Variants in TJP3 observed in about 807,000 individuals in gnomAD.
The protein encoded by TJP3 is tight junction protein 3.
TJP3 carries 85 observed loss-of-function variants against 104.2 expected under a neutral mutation model. The observed-to-expected ratio is 0.82, with a 90% CI of 0.68 to 0.98. The LOEUF is 0.98. TJP3 is among the 50% of genes least tolerant of loss of function. The probability of loss-of-function intolerance (pLI) is 0.00; values close to 1 mark genes in which losing one functional copy is unlikely to be tolerated. For missense variants in TJP3, 1,367 were observed against 1,322.8 expected, an observed-to-expected ratio of 1.03 and a Z score of -0.52; for synonymous variants, 550 against 550.6, an observed-to-expected ratio of 1.00 and a Z score of 0.02.
intron 1 of TJP3, among the ~76,000 whole-genome samples, chr19:3,718,080 C>CGCACGT: frequency 6.6e-6 from 1 of 151,372 alleles, no homozygotes; most frequent in East Asian, 2.0e-4. Context: ...CGGGCATGTG[C>CGCACGT]CTGTAGTCCC....
chr19:3,719,029 C>T (rs182315504), intron 1 of TJP3, among the ~76,000 whole-genome samples: 43 of 151,712 alleles, frequency 2.8e-4, no homozygotes, highest in African/African-American at 1.0e-3. Flanking sequence ...ACTAAAAATA[C>T]AAAAATTAGC....
At chr19:3,732,231 A>G (rs2074994) in intron 6 of TJP3, among the ~76,000 whole-genome samples, 193 bp downstream of exon 6, 21,112 of 152,116 alleles carry the variant, frequency 0.14, 1,700 homozygotes, top group South Asian at 0.27. Flanking sequence ...ACTAATCCAC[A>G]GCCAAATGTC....
intron 6 of TJP3, among the ~76,000 whole-genome samples, chr19:3,732,242 G>A (rs1004559018): frequency 4.6e-5 from 7 of 152,032 alleles, no homozygotes; most frequent in East Asian, 1.9e-4. Context: ...GCCAAATGTC[G>A]GTTTCTAGTA....
Position 3,746,063 on chromosome 19 carries a change from G to A in TJP3, c.1992G>A (p.Val664=), listed in dbSNP as rs754464084. Residue 664 remains valine, a synonymous_variant, in exon 16 of 21, where the codon GTG becomes GTA. Coordinates refer to ENST00000541714, the MANE Select transcript of TJP3 (RefSeq NM_001267560.2). This position sits in a 1 kb window ranked among gnomAD's most constrained non-coding sequence, Gnocchi z 4.1. Reference sequence around the variant, plus strand: ...CCAAGATCATCAAACTAGACACCGTGCGGGTGATTGCAGAAAAAGTAAGCC... The same window carrying A: ...CCAAGATCATCAAACTAGACACCGTACGGGTGATTGCAGAAAAAGTAAGCC... ...SPSKIIKLDT[V]RVIAEKDKHA... is the part of the protein sequence containing the mutation. 5 of 1,609,642 alleles carry A rather than the reference G, an allele frequency of 3.1e-6. No individual in the cohort carries two copies. Among genetic ancestry groups the A allele is most frequent in the Non-Finnish European group, 4.2e-6 (5 of 1,177,868 alleles).
chr19:3,734,225 C>T, intron 7 of TJP3, 102 bp from the exon 8 acceptor site: 1 of 1,266,192 alleles, frequency 7.9e-7, no homozygotes. Flanking sequence ...TGACTTTGGT[C>T]TAGGGCCCTT....
In TJP3 at chr19:3,717,990, C is replaced by T. The variant is rs373089561; in HGVS notation, c.-10+9429C>T. Among the ~76,000 whole-genome samples, 96 of 148,866 alleles carry T rather than the reference C, an allele frequency of 6.4e-4. 1 individual carries two copies. The highest frequency in any genetic ancestry group is 2.1e-3 in the African/African-American group (83 of 40,376). On this transcript the variant is annotated intron_variant, in intron 1 of 20. Coordinates refer to ENST00000541714, the MANE Select transcript of TJP3 (RefSeq NM_001267560.2). ...CAGCACTTAGGGAGGCCGAGGGGGG[C>T]GGATCACAAGGTCAGGAGTTTGAGA...
At chr19:3,713,760 C>A (rs927851927) in intron 1 of TJP3, among the ~76,000 whole-genome samples, 2 of 151,888 alleles carry the variant, frequency 1.3e-5, no homozygotes, top group African/African-American at 4.8e-5. Flanking sequence ...GTCGCCCAGG[C>A]TCTGGAGTGC....
intron 8 of TJP3, among the ~76,000 whole-genome samples, chr19:3,734,697 G>A (rs2036716484): frequency 6.6e-6 from 1 of 152,210 alleles, no homozygotes; most frequent in Admixed American, 6.5e-5. Context: ...GCTCACGCCT[G>A]TAATCTCAGC....
chr19:3,728,989 G>T (rs1211286682), intron 3 of TJP3, among the ~76,000 whole-genome samples: 3 of 152,152 alleles, frequency 2.0e-5, no homozygotes, highest in East Asian at 3.8e-4. Flanking sequence ...GGAGGCAGAG[G>T]TTGCGGTGAG....
Position 3,746,849 on chromosome 19 carries a change from G to T in TJP3, c.2295G>T (p.Thr765=), listed in dbSNP as rs748877202. 6.8e-6 allele frequency: 11 copies of T among 1,611,096 alleles called. No individual in the cohort carries two copies. The highest frequency in any genetic ancestry group is 1.1e-5 in the South Asian group (1 of 90,284). Residue 765 remains threonine (T), a synonymous_variant, in exon 18 of 21, where the codon ACG becomes ACT. Transcript: ENST00000541714. This position sits in a 1 kb window ranked among gnomAD's most constrained non-coding sequence, Gnocchi z 4.1. The part of the protein sequence containing the change: ...ELKAIIREQQ[T]RPIWTAEDQL... ...AGGCCATCATTCGAGAGCAGCAGAC[G>T]CGGCCCATCTGGACGGCGGAAGATC...
At chr19:3,749,526 T>C (rs2036961209) in intron 19 of TJP3, 1 of 151,918 alleles carries the variant, frequency 6.6e-6, no homozygotes, top group Non-Finnish European at 1.5e-5. Context: ...TTTCATTTTT[T>C]GCAGAGATGT....
At chr19:3,741,402 C>T (rs1161152130) in intron 14 of TJP3, among the ~76,000 whole-genome samples, 1 of 151,792 alleles carries the variant, frequency 6.6e-6, no homozygotes, top group Admixed American at 6.6e-5. Flanking sequence ...CTTGGGAGGT[C>T]GAGGTTGCAG....
At chr19:3,735,424 C>A (rs772291583) in intron 8 of TJP3, 142 bp from the exon 9 acceptor site, 9 of 777,778 alleles carry the variant, frequency 1.2e-5, no homozygotes, top group Non-Finnish European at 2.0e-5. Context: ...GTCTTGAAAT[C>A]CTGACCTCAG....
chr19:3,728,581 TC>T lies in TJP3; in HGVS notation c.49-21del, dbSNP rs759609109. 12 of 1,607,658 alleles carry T rather than the reference TC, an allele frequency of 7.5e-6. No homozygotes were observed. In the South Asian group the frequency reaches 1.2e-4, roughly 16 times the overall value. The stretch of plus-strand genomic sequence containing the variant: ...TTACCCTGGGGGAAACAGCAGCTCT[TC>T]CTTCCCCTCATCCTCTCTCAGGACC... On this transcript the variant is annotated intron_variant, in intron 2 of 20. Transcript: ENST00000541714.
At position 3,731,917 on chromosome 19, in the gene TJP3, C is replaced by T; in HGVS notation, c.614-18C>T. On this transcript the variant is annotated intron_variant, in intron 5 of 20. Coordinates refer to ENST00000541714, the MANE Select transcript of TJP3 (RefSeq NM_001267560.2). ...GTCTCCAGAGTCCTGCCTCAGTTTC[C>T]CTCCTCCCCCCTTACAGAGTTTGGC... The T allele has an allele frequency of 6.2e-7, 1 of 1,607,450 alleles. No homozygotes were observed. The highest frequency in any genetic ancestry group is 8.5e-7 in the Non-Finnish European group (1 of 1,175,630).
chr19:3,733,017 T>C (rs187445162), intron 6 of TJP3, among the ~76,000 whole-genome samples: 44 of 133,840 alleles, frequency 3.3e-4, no homozygotes, highest in African/African-American at 1.1e-3. Flanking sequence ...TCTCTTTTCT[T>C]TTCTCTTCTC....
intron 13 of TJP3, 89 bp from the exon 14 acceptor site, chr19:3,740,463 C>G (rs1399727374): frequency 2.5e-6 from 2 of 795,198 alleles, no homozygotes; most frequent in South Asian, 4.1e-5. Flanking sequence ...AGTGGCCTGT[C>G]CACAGGCTCC....
At chr19:3,725,902 T>G (rs1231542261) in intron 1 of TJP3, among the ~76,000 whole-genome samples, 1 of 152,190 alleles carries the variant, frequency 6.6e-6, no homozygotes, top group Non-Finnish European at 1.5e-5. Context: ...GTGGGCAGAC[T>G]TGGGATTTGA....
At chr19:3,742,291 C>T (rs2036832017) in intron 14 of TJP3, among the ~76,000 whole-genome samples, 1 of 151,526 alleles carries the variant, frequency 6.6e-6, no homozygotes, top group African/African-American at 2.4e-5. Context: ...ATAAATTAGC[C>T]AGGTGTGGTG....
Sources: allele counts gnomAD v4.1 joint callset (sites outside exome capture counted in the v4.1 genomes callset), GRCh38; gene constraint gnomAD v4.1.1; non-coding constraint Gnocchi (gnomAD v3.1); transcripts MANE v1.5; gene names NCBI Gene and HGNC (gene_info 2026-07-23, HGNC 2026-07-21).